Variants in STT3B observed in about 807,000 individuals in gnomAD.
STT3B encodes dolichyl-diphosphooligosaccharide--protein glycosyltransferase subunit STT3B.
STT3B carries 29 observed loss-of-function variants against 96.8 expected under a neutral mutation model. The observed-to-expected ratio is 0.30, with a 90% CI of 0.22 to 0.41. The LOEUF (loss-of-function observed/expected upper bound fraction) is 0.41, where lower values mean the gene tolerates loss of function less well. Among genes scored for constraint, STT3B ranks in the 10% least tolerant of loss-of-function variants. The probability of loss-of-function intolerance (pLI) is 1.00; values close to 1 mark genes in which losing one functional copy is unlikely to be tolerated. For synonymous variants in STT3B, 367 were observed against 360.0 expected (o/e 1.02, Z -0.22); for missense variants, 640 against 1,022.3 (o/e 0.63, Z 5.10).
In STT3B at chr3:31,557,933, C is replaced by G. The variant is rs865965669; in HGVS notation, c.315-18463C>G. On this transcript the variant is annotated intron_variant, in intron 1 of 15. Coordinates refer to ENST00000295770, the MANE Select transcript of STT3B (RefSeq NM_178862.3). ...GCGTGAGCCACTGTATTTTTTATAT[C>G]TATTGTAAATGGGATTGCTTTCCTG... Among the ~76,000 whole-genome samples the G allele has an allele frequency of 2.6e-5, 4 of 152,172 alleles. No homozygotes were observed. The South Asian group carries it at 8.3e-4, about 31-fold the overall frequency.
At chr3:31,544,725 G>A (rs534182513) in intron 1 of STT3B, among the ~76,000 whole-genome samples, 2 of 152,330 alleles carry the variant, frequency 1.3e-5, no homozygotes, top group African/African-American at 4.8e-5. Flanking sequence ...GCACTTGGGA[G>A]GCCGAGATAG....
At chr3:31,559,733 T>A (rs746531638) in intron 1 of STT3B, among the ~76,000 whole-genome samples, 1 of 152,140 alleles carries the variant, frequency 6.6e-6, no homozygotes, top group Non-Finnish European at 1.5e-5. Flanking sequence ...TTAAATCCAG[T>A]GTTTCTTTGG....
intron 2 of STT3B, among the ~76,000 whole-genome samples, chr3:31,578,489 G>A (rs886081838): frequency 2.0e-5 from 3 of 151,792 alleles, no homozygotes; most frequent in African/African-American, 7.3e-5. Flanking sequence ...GTTTTTGTGT[G>A]TGTCAGTTCA....
intron 1 of STT3B, among the ~76,000 whole-genome samples, chr3:31,543,978 CAG>C (rs1283809347): frequency 1.3e-5 from 2 of 152,088 alleles, no homozygotes; most frequent in East Asian, 1.9e-4. Context: ...TGAAAAAAGA[CAG>C]ATGACAGCAA....
chr3:31,580,123 C>G (rs1342918672), intron 3 of STT3B, 27 bp downstream of exon 3: 15 of 1,595,894 alleles, frequency 9.4e-6, no homozygotes, highest in Non-Finnish European at 1.3e-5. Flanking sequence ...GTTTTGCTGC[C>G]ATTATTACTC....
At chr3:31,562,048 C>G (rs1697892174) in intron 1 of STT3B, among the ~76,000 whole-genome samples, 1 of 152,094 alleles carries the variant, frequency 6.6e-6, no homozygotes, top group Admixed American at 6.5e-5. Context: ...AGCATCCCCT[C>G]AGTGTTTTGG....
Position 31,559,191 on chromosome 3 carries a change from T to G in STT3B, c.315-17205T>G, listed in dbSNP as rs200268062. On this transcript the variant is annotated intron_variant, in intron 1 of 15. Transcript: ENST00000295770. The stretch of plus-strand genomic sequence containing the variant: ...TGTGTGTGTGTGTGTGTGTGTGTGT[T>G]GTCTCTTTCATTTAGTTCTGCTCTG... 1.5e-4 allele frequency among the ~76,000 whole-genome samples: 20 copies of G among 131,174 alleles called. No homozygotes were observed. The East Asian group carries it at 1.7e-3, about 11-fold the overall frequency. 86.1% of individuals were successfully genotyped at this position (131,174 alleles called of 152,430 possible). A position where few individuals can be genotyped will look rare whatever the true frequency, so the allele number is the denominator to read the frequency against.
At chr3:31,576,626 C>T in intron 2 of STT3B, 122 bp downstream of exon 2, 1 of 522,610 alleles carries the variant, frequency 1.9e-6, no homozygotes, top group South Asian at 3.5e-5. Flanking sequence ...TTTTCTGTGG[C>T]TTATTATCCA....
At chr3:31,581,328 A>G (rs1447962770) in intron 3 of STT3B, among the ~76,000 whole-genome samples, 2 of 152,208 alleles carry the variant, frequency 1.3e-5, no homozygotes, top group Non-Finnish European at 2.9e-5. Flanking sequence ...GCAAATGTAT[A>G]ATTTTTGAAT....
At chr3:31,559,899 T>C (rs1265850422) in intron 1 of STT3B, among the ~76,000 whole-genome samples, 1 of 152,154 alleles carries the variant, frequency 6.6e-6, no homozygotes, top group Non-Finnish European at 1.5e-5. Context: ...TTTAGAATTG[T>C]TATTTCTTCT....
intron 9 of STT3B, among the ~76,000 whole-genome samples, chr3:31,620,738 T>G (rs1575445256): frequency 6.6e-6 from 1 of 152,162 alleles, no homozygotes; most frequent in African/African-American, 2.4e-5. Flanking sequence ...AAACTGAAAC[T>G]GAGAAAAACT....
chr3:31,614,070 G>A (rs1378491148), intron 5 of STT3B, among the ~76,000 whole-genome samples: 1 of 151,848 alleles, frequency 6.6e-6, no homozygotes, highest in Admixed American at 6.6e-5. Context: ...TTCTCTAGAT[G>A]GATTTCTTTT....
At chr3:31,625,237 C>A in intron 12 of STT3B, 152 bp downstream of exon 12, 1 of 567,634 alleles carries the variant, frequency 1.8e-6, no homozygotes, top group Non-Finnish European at 2.9e-6. Flanking sequence ...AAAGTGAGTT[C>A]AAGGTGTGCT....
intron 1 of STT3B, among the ~76,000 whole-genome samples, chr3:31,545,815 T>G (rs1575406495): frequency 1.7e-5 from 1 of 58,696 alleles, no homozygotes; most frequent in Admixed American, 1.7e-4. Flanking sequence ...TTAGGAGTGG[T>G]TTTTTTTTTT....
At chr3:31,571,054 G>A (rs528015999) in intron 1 of STT3B, among the ~76,000 whole-genome samples, 1 of 152,302 alleles carries the variant, frequency 6.6e-6, no homozygotes, top group African/African-American at 2.4e-5. Context: ...GCCTAGTTGA[G>A]AAGAGGGTTT....
chr3:31,613,797 A>T (rs769847334), intron 5 of STT3B, among the ~76,000 whole-genome samples: 2 of 151,716 alleles, frequency 1.3e-5, no homozygotes, highest in African/African-American at 2.4e-5. Context: ...TTTAACTTTG[A>T]TTACATTTGG....
At chr3:31,556,754 C>T (rs115962717) in intron 1 of STT3B, among the ~76,000 whole-genome samples, 4 of 152,080 alleles carry the variant, frequency 2.6e-5, no homozygotes, top group Admixed American at 6.5e-5. Context: ...TGATGATTTA[C>T]TGTTGTGTGA....
intron 2 of STT3B, among the ~76,000 whole-genome samples, chr3:31,579,507 TAGTG>T (rs1363067135): frequency 1.8e-5 from 2 of 109,024 alleles, no homozygotes; most frequent in Non-Finnish European, 3.8e-5. Flanking sequence ...AAAAAAAAGT[TAGTG>T]GGATCAGTAA....
At chr3:31,576,833 T>G (rs1352863047) in intron 2 of STT3B, among the ~76,000 whole-genome samples, 1 of 152,092 alleles carries the variant, frequency 6.6e-6, no homozygotes, top group Non-Finnish European at 1.5e-5. Flanking sequence ...AAAAGCAATT[T>G]GGAAGGAGAT....
Sources: gnomAD v4.1 joint callset for allele counts (sites outside exome capture counted in the v4.1 genomes callset) on GRCh38, gnomAD v4.1.1 for gene constraint, MANE v1.5 for transcripts, NCBI Gene and HGNC (gene_info 2026-07-23, HGNC 2026-07-21) for gene names.